The following CDH18 variants were observed in gnomAD, a reference collection of about 807,000 sequenced individuals.
CDH18 encodes the protein cadherin 18.
CDH18 carries 31 observed loss-of-function variants against 67.9 expected under a neutral mutation model. The ratio of observed to expected loss-of-function variants is 0.46; its 90% CI spans 0.34 to 0.62. The LOEUF is 0.62. CDH18 is among the 20% of genes least tolerant of loss of function. CDH18 has a pLI of 0.01. For synonymous variants in CDH18, 362 were observed against 347.2 expected (o/e 1.04, Z -0.48); for missense variants, 890 against 975.5 (o/e 0.91, Z 1.17).
chr5:20,053,671 T>G (rs1477891735), intron 2 of CDH18, among the ~76,000 whole-genome samples: 1 of 152,110 alleles, frequency 6.6e-6, no homozygotes, highest in African/African-American at 2.4e-5. Context: ...GTAGTTGAAA[T>G]CACCACCATC....
At chr5:20,207,211 G>GA (rs1451820958) in intron 2 of CDH18, among the ~76,000 whole-genome samples, 2 of 151,070 alleles carry the variant, frequency 1.3e-5, no homozygotes, top group African/African-American at 4.9e-5. Flanking sequence ...TGAACAATGT[G>GA]AAAAAAATTA....
chr5:19,865,243 G>T (rs1785358263), intron 2 of CDH18, among the ~76,000 whole-genome samples: 1 of 152,010 alleles, frequency 6.6e-6, no homozygotes. Context: ...TGAGATAATA[G>T]ATGTCAAATA....
intron 1 of CDH18, among the ~76,000 whole-genome samples, chr5:20,351,738 T>G (rs1378113508): frequency 6.6e-6 from 1 of 152,156 alleles, no homozygotes; most frequent in South Asian, 2.1e-4. Flanking sequence ...AATCTATTTA[T>G]GCTGCCACCG....
At chr5:20,545,856 C>T (rs1757312993) in intron 1 of CDH18, among the ~76,000 whole-genome samples, 1 of 152,142 alleles carries the variant, frequency 6.6e-6, no homozygotes, top group Non-Finnish European at 1.5e-5. Context: ...TTTTTCCTTT[C>T]TACCCCATGA....
rs375012467 is a variant in CDH18, at chr5:20,068,998, C to T, written c.-517-76984G>A. ...GAAATTTTTTTGCCCTTCTAATTCA[C>T]CTCAACTCTAACATTAAACAGAAGC... is the stretch of plus-strand genomic sequence containing the variant. On this transcript the variant is annotated intron_variant, in intron 2 of 14. Coordinates refer to the CDH18 transcript ENST00000507958. Among the ~76,000 whole-genome samples the T allele has an allele frequency of 6.0e-4, 92 of 152,220 alleles. No homozygotes were observed. In the South Asian group the frequency reaches 0.016, roughly 27 times the overall value.
chr5:19,841,305 G>C (rs546830273), intron 2 of CDH18, among the ~76,000 whole-genome samples: 5 of 152,118 alleles, frequency 3.3e-5, no homozygotes, highest in Non-Finnish European at 7.4e-5. Flanking sequence ...ATATAAGAGA[G>C]AGCAATACTA....
intron 2 of CDH18, among the ~76,000 whole-genome samples, chr5:20,142,214 T>C (rs1006570437): frequency 6.6e-6 from 1 of 152,082 alleles, no homozygotes; most frequent in Non-Finnish European, 1.5e-5. Flanking sequence ...ATAAATTAAT[T>C]ATAAAAATAT....
intron 5 of CDH18, among the ~76,000 whole-genome samples, chr5:19,664,313 T>C (rs1757608939): frequency 6.6e-6 from 1 of 151,870 alleles, no homozygotes; most frequent in Admixed American, 6.6e-5. Context: ...AAGATAAATT[T>C]CTAGCAAAAT....
chr5:19,761,038 T>G (rs547384131), intron 3 of CDH18, among the ~76,000 whole-genome samples: 1 of 152,258 alleles, frequency 6.6e-6, no homozygotes, highest in African/African-American at 2.4e-5. Context: ...CTCCCACATG[T>G]CCCCATTCCA....
At chr5:19,982,692 A>G (rs1799177074) in intron 1 of CDH18, among the ~76,000 whole-genome samples, 1 of 152,142 alleles carries the variant, frequency 6.6e-6, no homozygotes, top group Admixed American at 6.5e-5. Flanking sequence ...GCAGGAGTAA[A>G]TACAAGTAAA....
intron 2 of CDH18, among the ~76,000 whole-genome samples, chr5:20,173,538 G>C (rs1340845545): frequency 6.6e-6 from 1 of 152,170 alleles, no homozygotes; most frequent in African/African-American, 2.4e-5. Context: ...AAGTACCTCT[G>C]TGTTTATAGC....
chr5:20,385,335 A>G (rs1206164224), intron 1 of CDH18, among the ~76,000 whole-genome samples: 1 of 152,112 alleles, frequency 6.6e-6, no homozygotes, highest in Non-Finnish European at 1.5e-5. Context: ...ATCTCCAAGA[A>G]TGTCCTTGGT....
chr5:20,221,451 G>T (rs1741216975), intron 2 of CDH18, among the ~76,000 whole-genome samples: 2 of 152,194 alleles, frequency 1.3e-5, no homozygotes, highest in Middle Eastern at 3.4e-3. Context: ...TAGAATAATA[G>T]TTATCAGAGG....
In CDH18 at chr5:19,684,846, G is replaced by A. The variant is rs140670570; in HGVS notation, c.643+36501C>T. 7.3e-4 allele frequency among the ~76,000 whole-genome samples: 111 copies of A among 152,144 alleles called. 1 individual carries two copies. The East Asian group carries it at 0.01, about 14-fold the overall frequency. ...TTATTATAAAGCTCAAAAATGTGTC[G>A]TCAAGTATCTTTTATCTTTCCATTC... is the stretch of plus-strand genomic sequence containing the variant. On this transcript the variant is annotated intron_variant, in intron 5 of 12. Coordinates refer to ENST00000382275, the MANE Select transcript of CDH18 (RefSeq NM_004934.5).
intron 11 of CDH18, among the ~76,000 whole-genome samples, chr5:19,489,489 T>A (rs572286263): frequency 6.6e-6 from 1 of 152,032 alleles, no homozygotes; most frequent in South Asian, 2.1e-4. Context: ...CCTTGTGATC[T>A]GCCCCCCTTG....
At chr5:19,487,255 C>A (rs1417715909) in intron 11 of CDH18, among the ~76,000 whole-genome samples, 1 of 151,986 alleles carries the variant, frequency 6.6e-6, no homozygotes, top group Non-Finnish European at 1.5e-5. Flanking sequence ...ATTAGATAGA[C>A]AAATATAGAC....
At position 20,559,069 on chromosome 5, in the gene CDH18, G is replaced by T. The variant is rs1758064746; in HGVS notation, c.-580+16393C>A. 2.0e-5 allele frequency among the ~76,000 whole-genome samples: 3 copies of T among 150,074 alleles called. No homozygotes were observed. The South Asian group carries it at 6.4e-4, about 32-fold the overall frequency. ...CAGACTAGATTAATTCCTACAAAGG[G>T]CCCAAATATTTCTTCCTTCTGATTG... On this transcript the variant is annotated intron_variant, in intron 1 of 14. Transcript: ENST00000507958.
chr5:20,354,075 A>G (rs1204333877), intron 1 of CDH18, among the ~76,000 whole-genome samples: 1 of 152,238 alleles, frequency 6.6e-6, no homozygotes, highest in Admixed American at 6.5e-5. Context: ...TGGAAGCTAA[A>G]GCAGCTTATC....
intron 3 of CDH18, among the ~76,000 whole-genome samples, chr5:19,813,834 A>C (rs1422561153): frequency 6.6e-6 from 1 of 152,160 alleles, no homozygotes; most frequent in African/African-American, 2.4e-5. Flanking sequence ...TAATGTGCCA[A>C]AACAGAATTT....
Sources: gnomAD v4.1 joint callset for allele counts (sites outside exome capture counted in the v4.1 genomes callset) on GRCh38, gnomAD v4.1.1 for gene constraint, MANE v1.5 for transcripts, NCBI Gene and HGNC (gene_info 2026-07-23, HGNC 2026-07-21) for gene names.